Variants in ARHGEF10L observed in about 807,000 individuals in gnomAD.
The protein encoded by ARHGEF10L is rho guanine nucleotide exchange factor 10-like protein.
ARHGEF10L carries 69 observed loss-of-function variants against 141.2 expected under a neutral mutation model. The observed-to-expected ratio is 0.49, with a 90% CI of 0.40 to 0.60. The LOEUF (loss-of-function observed/expected upper bound fraction) is 0.60, where lower values mean the gene tolerates loss of function less well. Among genes scored for constraint, ARHGEF10L ranks in the 20% least tolerant of loss-of-function variants. The probability of loss-of-function intolerance (pLI) is 0.00; values close to 1 mark genes in which losing one functional copy is unlikely to be tolerated. For synonymous variants in ARHGEF10L, 711 were observed against 718.5 expected (o/e 0.99, Z 0.17); for missense variants, 1,482 against 1,734.3 (o/e 0.85, Z 2.58).
At chr1:17,647,311 A>G (rs1359659579) in intron 21 of ARHGEF10L, among the ~76,000 whole-genome samples, 17 of 152,088 alleles carry the variant, frequency 1.1e-4, no homozygotes, top group Non-Finnish European at 2.9e-5. Context: ...GAGTGAAAAT[A>G]ATGATTCTGG....
intron 2 of ARHGEF10L, among the ~76,000 whole-genome samples, chr1:17,582,501 C>T (rs2078660074): frequency 6.6e-6 from 1 of 152,180 alleles, no homozygotes; most frequent in Non-Finnish European, 1.5e-5. Context: ...TAGGGGATTC[C>T]CCACGCACCT....
At chr1:17,653,814 C>T (rs1270130573) in intron 22 of ARHGEF10L, among the ~76,000 whole-genome samples, 1 of 152,256 alleles carries the variant, frequency 6.6e-6, no homozygotes, top group African/African-American at 2.4e-5. Flanking sequence ...CTCCCTCTGA[C>T]CTTCAAGTTG....
intron 26 of ARHGEF10L, among the ~76,000 whole-genome samples, chr1:17,677,087 A>G (rs1457542422): frequency 2.0e-5 from 3 of 152,058 alleles, no homozygotes; most frequent in African/African-American, 7.2e-5. Flanking sequence ...AGCTAGCAGG[A>G]CCAAGGAAAG....
intron 4 of ARHGEF10L, among the ~76,000 whole-genome samples, chr1:17,595,339 CAGG>C (rs1557774305): frequency 3.3e-5 from 5 of 150,940 alleles, no homozygotes; most frequent in African/African-American, 1.2e-4. Flanking sequence ...GCCAGGGGTG[CAGG>C]GCCTCTCCAT....
At chr1:17,572,578 C>T (rs999473515) in intron 1 of ARHGEF10L, among the ~76,000 whole-genome samples, 4 of 152,196 alleles carry the variant, frequency 2.6e-5, no homozygotes, top group East Asian at 1.9e-4. Flanking sequence ...GATCAGAACA[C>T]GCCTGATCCC....
At chr1:17,553,550 G>A (rs950900719) in intron 1 of ARHGEF10L, among the ~76,000 whole-genome samples, 2 of 152,102 alleles carry the variant, frequency 1.3e-5, no homozygotes, top group Non-Finnish European at 2.9e-5. Flanking sequence ...GGGAGGCTGA[G>A]GTGGGAGTGT....
chr1:17,652,338 G>C (rs548502241), intron 22 of ARHGEF10L, among the ~76,000 whole-genome samples: 1 of 152,224 alleles, frequency 6.6e-6, no homozygotes, highest in Non-Finnish European at 1.5e-5. Context: ...TCAGTTGGGA[G>C]TGTGAAGGAG....
rs979591113 is a variant in ARHGEF10L, at chr1:17,697,536, T to A, written c.*156T>A. ...AGGAAAACCTCTTGTTTTAAAAAAA[T>A]TTTTTTCAGAGTGTTTTGGGGAGGA... On this transcript the variant is annotated 3_prime_UTR_variant, in exon 29 of 29. Transcript: ENST00000361221. The surrounding 1 kb of genome is among the most constrained non-coding windows in gnomAD (Gnocchi z 4.8). 3.5e-5 allele frequency: 38 copies of A among 1,080,684 alleles called. No homozygotes were observed. Among genetic ancestry groups the A allele is most frequent in the Admixed American group, 1.1e-4 (4 of 36,476 alleles). The allele number at this position is 1,080,684 out of a possible 1,614,324, so 66.9% of individuals were successfully genotyped here.
At chr1:17,563,569 C>T (rs1257264685) in intron 1 of ARHGEF10L, among the ~76,000 whole-genome samples, 1 of 152,110 alleles carries the variant, frequency 6.6e-6, no homozygotes, top group African/African-American at 2.4e-5. Flanking sequence ...TGATGTGTCC[C>T]AAGTACTCAG....
rs769858756 is a variant in ARHGEF10L, at chr1:17,587,554, G to A, written c.132G>A (p.Glu44=). The A allele has an allele frequency of 6.8e-6, 11 of 1,614,098 alleles. No homozygotes were observed. The South Asian group carries it at 1.1e-4, about 16-fold the overall frequency. Residue 44 remains glutamate, a synonymous_variant, in exon 3 of 29, where the codon GAG becomes GAA. Transcript: ENST00000361221. ...AFEFDDSDDE[E]DTSAALGVPS... is the part of the protein sequence containing the mutation. ...AGTTTGATGACAGTGATGATGAAGA[G>A]GACACCAGCGCAGCCCTGGGCGTCC...
intron 25 of ARHGEF10L, among the ~76,000 whole-genome samples, chr1:17,661,945 C>T (rs919380652): frequency 1.3e-5 from 2 of 151,754 alleles, no homozygotes; most frequent in Admixed American, 1.3e-4. Context: ...CAGACAGAGC[C>T]GAGTTCAAAA....
chr1:17,610,434 G>T (rs913406666), intron 7 of ARHGEF10L, among the ~76,000 whole-genome samples: 14 of 152,234 alleles, frequency 9.2e-5, no homozygotes, highest in Non-Finnish European at 1.5e-4. Context: ...ACAGTTGTTG[G>T]GATTTCTAAC....
At chr1:17,613,306 G>T in intron 8 of ARHGEF10L, 132 bp downstream of exon 8, 1 of 705,542 alleles carries the variant, frequency 1.4e-6, no homozygotes, top group Admixed American at 2.4e-5. Flanking sequence ...GCTGTCCTGA[G>T]ACCTGGACCC....
intron 26 of ARHGEF10L, among the ~76,000 whole-genome samples, chr1:17,668,616 T>A (rs1314766045): frequency 6.6e-6 from 1 of 152,144 alleles, no homozygotes; most frequent in Non-Finnish European, 1.5e-5. Context: ...TCAGGAGGGC[T>A]GTTGGCTGGA....
rs935168939 is a variant in ARHGEF10L, at chr1:17,573,028, C to T, written c.-43-7525C>T. ...TCCTACTGTTTCCCTTGGCAGTGCC[C>T]CTCCGTGAGCTCCAGCTCTTTCCTG... On this transcript the variant is annotated intron_variant, in intron 1 of 28. Coordinates refer to ENST00000361221, the MANE Select transcript of ARHGEF10L (RefSeq NM_018125.4). The surrounding 1 kb of genome is among the most constrained non-coding windows in gnomAD (Gnocchi z 4.8). Among the ~76,000 whole-genome samples the T allele has an allele frequency of 5.3e-5, 8 of 152,146 alleles. No individual in the cohort carries two copies. Among genetic ancestry groups the T allele is most frequent in the African/African-American group, 1.9e-4 (8 of 41,416 alleles).
At position 17,625,995 on chromosome 1, in the gene ARHGEF10L, G is replaced by T; in HGVS notation, c.1357G>T (p.Gly453Trp). The change falls in exon 14 of 29, where the codon GGG (glycine) becomes TGG (tryptophan). Residue 453 changes from glycine (G) to tryptophan (W), a missense_variant. Coordinates refer to ENST00000361221, the MANE Select transcript of ARHGEF10L (RefSeq NM_018125.4). This position sits in a 1 kb window ranked among gnomAD's most constrained non-coding sequence, Gnocchi z 4.5. ...VCSPDRVTLY[G>W]LMVKPIQRFP... ...CAGCCCAGACCGTGTCACCCTCTAC[G>T]GGCTGATGGTCAAGCCCATCCAGAG... 1 of 1,613,918 alleles carries T rather than the reference G, an allele frequency of 6.2e-7. No individual in the cohort carries two copies. The highest frequency in any genetic ancestry group is 8.5e-7 in the Non-Finnish European group (1 of 1,179,894).
At chr1:17,530,121 C>A in the ARHGEF10L span, among the ~76,000 whole-genome samples, 1 of 152,110 alleles carries the variant, frequency 6.6e-6, no homozygotes, top group South Asian at 2.1e-4. Context: ...ATGTGAGCCA[C>A]CGCACCTGGC....
intron 1 of ARHGEF10L, among the ~76,000 whole-genome samples, chr1:17,546,250 A>C (rs545115362): frequency 6.6e-6 from 1 of 152,180 alleles, no homozygotes; most frequent in African/African-American, 2.4e-5. Flanking sequence ...AAAAAAATCC[A>C]TGTTAATATC....
rs1187171928 is a variant in ARHGEF10L, at chr1:17,619,847, G to A, written c.942+402G>A. Among the ~76,000 whole-genome samples, 1 of 151,964 alleles carries A rather than the reference G, an allele frequency of 6.6e-6. No individual in the cohort carries two copies. Among genetic ancestry groups the A allele is most frequent in the Non-Finnish European group, 1.5e-5 (1 of 67,994 alleles). On this transcript the variant is annotated intron_variant, in intron 10 of 28. Transcript: ENST00000361221. The surrounding 1 kb of genome is among the most constrained non-coding windows in gnomAD (Gnocchi z 5.0). ...CATCTGTCCACCTGTCCTCACCCTG[G>A]GCCTCAGAGCTGCCACAAGCTCCCA...
Sources: allele counts gnomAD v4.1 joint callset (sites outside exome capture counted in the v4.1 genomes callset), GRCh38; gene constraint gnomAD v4.1.1; non-coding constraint Gnocchi (gnomAD v3.1); transcripts MANE v1.5; gene names NCBI Gene and HGNC (gene_info 2026-07-23, HGNC 2026-07-21).